Variants in PTCHD4 observed in about 807,000 individuals in gnomAD.
The protein encoded by PTCHD4 is patched domain containing 4.
Under a neutral mutation model 58.1 loss-of-function variants are expected in PTCHD4, and 33 were observed. That is an observed-to-expected ratio of 0.57 (90% CI 0.43 to 0.76). PTCHD4 has a LOEUF of 0.76. PTCHD4 is among the 30% of genes least tolerant of loss of function. PTCHD4 has a pLI of 0.00. For missense variants in PTCHD4, 1,058 were observed against 1,027.1 expected, an observed-to-expected ratio of 1.03 and a Z score of -0.41; for synonymous variants, 478 against 409.6, an observed-to-expected ratio of 1.17 and a Z score of -2.02.
intron 3 of PTCHD4, among the ~76,000 whole-genome samples, chr6:48,040,090 G>T (rs1763790656): frequency 6.6e-6 from 1 of 151,968 alleles, no homozygotes; most frequent in African/African-American, 2.4e-5. Flanking sequence ...AACCTTTAAG[G>T]TCATTCCCAA....
chr6:47,936,596 T>C (rs1766006662), intron 4 of PTCHD4, among the ~76,000 whole-genome samples: 1 of 152,184 alleles, frequency 6.6e-6, no homozygotes, highest in African/African-American at 2.4e-5. Context: ...CTTTTTCCTA[T>C]ATCCCAGTGA....
intron 4 of PTCHD4, among the ~76,000 whole-genome samples, chr6:47,987,528 A>G (rs887279872): frequency 1.3e-5 from 2 of 152,178 alleles, no homozygotes; most frequent in African/African-American, 4.8e-5. Flanking sequence ...CTTTAGTTAA[A>G]AAAAATGCTA....
At chr6:47,900,659 G>T (rs1368106275) in intron 4 of PTCHD4, 1 of 152,008 alleles carries the variant, frequency 6.6e-6, no homozygotes, top group Admixed American at 6.6e-5. Flanking sequence ...GGTTTTTATG[G>T]ATATCTGTAT....
At position 47,931,592 on chromosome 6, in the gene PTCHD4, T is replaced by A. The variant is rs1273829800; in HGVS notation, c.899-51656A>T. 1.3e-5 allele frequency among the ~76,000 whole-genome samples: 2 copies of A among 152,232 alleles called. 1 individual carries two copies. Among genetic ancestry groups the A allele is most frequent in the Non-Finnish European group, 2.9e-5 (2 of 68,028 alleles). On this transcript the variant is annotated intron_variant, in intron 4 of 4. Transcript: ENST00000339488. ...CTGAGGAGCAATGAAATAATTCCTT[T>A]ACTTGCTGTAAAAATGCTATGTACT...
At chr6:47,914,848 A>G (rs1182183178) in intron 4 of PTCHD4, among the ~76,000 whole-genome samples, 1 of 151,800 alleles carries the variant, frequency 6.6e-6, no homozygotes, top group Non-Finnish European at 1.5e-5. Context: ...TAATACAGTC[A>G]AGTAAATCAA....
intron 3 of PTCHD4, among the ~76,000 whole-genome samples, chr6:48,045,604 T>G (rs546594309): frequency 2.0e-5 from 3 of 151,978 alleles, no homozygotes; most frequent in Non-Finnish European, 4.4e-5. Context: ...CTGAAAAGCA[T>G]GTCTCATTTC....
rs1763728323 is a variant in PTCHD4, at chr6:47,872,130, G to A, written c.*6173C>T. Among the ~76,000 whole-genome samples the A allele has an allele frequency of 1.3e-5, 2 of 151,332 alleles. No homozygotes were observed. The highest frequency in any genetic ancestry group is 4.9e-5 in the African/African-American group (2 of 41,226). On this transcript the variant is annotated 3_prime_UTR_variant, in exon 5 of 5. Transcript: ENST00000339488. ...TTTCCGTGTCCAGGGAGAGATTCTA[G>A]TAACCATATTACATTAGATAATTTA...
At chr6:48,086,534 A>G (rs543070704) in intron 1 of PTCHD4, among the ~76,000 whole-genome samples, 200 of 152,266 alleles carry the variant, frequency 1.3e-3, no homozygotes, top group Non-Finnish European at 2.2e-3. Context: ...ATATATATCA[A>G]TGAAAAATAG....
At chr6:48,028,925 G>C (rs1209709214) in intron 3 of PTCHD4, among the ~76,000 whole-genome samples, 2 of 152,020 alleles carry the variant, frequency 1.3e-5, no homozygotes, top group Admixed American at 1.3e-4. Context: ...TCTGTAAAAT[G>C]AGATATTAAA....
intron 4 of PTCHD4, among the ~76,000 whole-genome samples, chr6:47,881,311 C>G (rs768035373): frequency 2.6e-5 from 4 of 152,162 alleles, no homozygotes; most frequent in Non-Finnish European, 5.9e-5. Context: ...TAATTCCTCC[C>G]TTTCTTTTAT....
rs1156476673 is a variant in PTCHD4, at chr6:48,008,692, G to T, written c.840C>A (p.Phe280Leu). 2 of 1,613,682 alleles carry T rather than the reference G, an allele frequency of 1.2e-6. No individual in the cohort carries two copies. The highest frequency in any genetic ancestry group is 3.3e-5 in the Admixed American group (2 of 59,944). ...AGTTGTACTTTCCATCGGTGATGAA[G>T]AAGATCCCTGCTGCTGTGATGATGG... ...CISIITAAGIFFITDGKYNST... is the reference protein window; with the variant it reads ...CISIITAAGILFITDGKYNST... The change falls in exon 4 of 5, where the codon TTC becomes TTA. Residue 280 changes from phenylalanine (F) to leucine (L), a missense_variant. Transcript: ENST00000339488.
chr6:47,869,992 C>T lies in PTCHD4; in HGVS notation c.*8311G>A, dbSNP rs371329357. Among the ~76,000 whole-genome samples, 146 of 151,626 alleles carry T rather than the reference C, an allele frequency of 9.6e-4. 2 individuals are homozygous for T. The highest frequency in any genetic ancestry group is 6.8e-3 in the Middle Eastern group (2 of 294). Reference sequence around the variant, plus strand: ...TTTAAGAATAACCTAGCTTTTACAGCATTTGTGATTGTGATTTTAAAAGAC... The same window carrying T: ...TTTAAGAATAACCTAGCTTTTACAGTATTTGTGATTGTGATTTTAAAAGAC... On this transcript the variant is annotated 3_prime_UTR_variant, in exon 5 of 5. Coordinates refer to ENST00000339488, the MANE Select transcript of PTCHD4 (RefSeq NM_001384253.1).
chr6:47,878,893 C>T lies in PTCHD4; in HGVS notation c.1942G>A (p.Asp648Asn). ...ACTGTGACAGACAAGCTGTAATGGT[C>T]CATGAAGACAAAGGAGGGGTTGAAC... ...IVFNPSFVFM[D>N]HYSLSVTVPV... The change falls in exon 5 of 5, where the codon GAC (aspartate) becomes AAC (asparagine). Residue 648 changes from aspartate (D) to asparagine (N), a missense_variant. Physicochemically the swap from Asp to Asn is conservative, Grantham distance 23 (BLOSUM62 1). Transcript: ENST00000339488. 2 of 1,613,576 alleles carry T rather than the reference C, an allele frequency of 1.2e-6. No homozygotes were observed. The highest frequency in any genetic ancestry group is 1.7e-6 in the Non-Finnish European group (2 of 1,179,750).
At chr6:47,949,382 T>C (rs764948640) in intron 4 of PTCHD4, among the ~76,000 whole-genome samples, 4 of 152,166 alleles carry the variant, frequency 2.6e-5, no homozygotes, top group Non-Finnish European at 5.9e-5. Context: ...GAAAGGGTCT[T>C]TGTGGCTTTG....
In PTCHD4 at chr6:47,879,917, C is replaced by T; in HGVS notation, c.918G>A (p.Val306=). 4 of 1,559,300 alleles carry T rather than the reference C, an allele frequency of 2.6e-6. No individual in the cohort carries two copies. Among genetic ancestry groups the T allele is most frequent in the South Asian group, 1.2e-5 (1 of 84,608 alleles). The change falls in exon 5 of 5, where the codon GTG becomes GTA. Residue 306 remains valine, a synonymous_variant. Transcript: ENST00000339488. The stretch of plus-strand genomic sequence containing the variant: ...TCCGCCATCCGGACAGAAGCTCAAA[C>T]ACTCCTTTAGTTCCATGACCTAATG... ...FFAMGHGTKG[V]FELLSGWRRT...
At chr6:48,108,851 A>T (rs1205077333) in intron 1 of PTCHD4, among the ~76,000 whole-genome samples, 1 of 151,862 alleles carries the variant, frequency 6.6e-6, no homozygotes, top group Non-Finnish European at 1.5e-5. Flanking sequence ...AATTTTTGGA[A>T]AACATTAATA....
intron 3 of PTCHD4, among the ~76,000 whole-genome samples, chr6:48,028,344 ATGAC>A (rs1232576628): frequency 6.6e-6 from 1 of 151,984 alleles, no homozygotes; most frequent in Non-Finnish European, 1.5e-5. Flanking sequence ...TTAAAGTAGA[ATGAC>A]TGGTTGTTCA....
intron 4 of PTCHD4, among the ~76,000 whole-genome samples, chr6:47,979,072 C>T (rs1767792331): frequency 6.6e-6 from 1 of 152,002 alleles, no homozygotes; most frequent in African/African-American, 2.4e-5. Flanking sequence ...AAGCCTTCTA[C>T]CAAAGCTTAC....
chr6:48,029,673 G>A lies in PTCHD4; in HGVS notation c.418-20559C>T, dbSNP rs532876838. 4.6e-5 allele frequency among the ~76,000 whole-genome samples: 7 copies of A among 152,094 alleles called. No individual in the cohort carries two copies. The South Asian group carries it at 1.5e-3, about 32-fold the overall frequency. On this transcript the variant is annotated intron_variant, in intron 3 of 4. Transcript: ENST00000339488. ...TCTGATCTTTCCAGAATTCAGAAAC[G>A]CTTATTGAGTGTTCTTATTTTTCAT...
Sources: allele counts gnomAD v4.1 joint callset (sites outside exome capture counted in the v4.1 genomes callset), GRCh38; gene constraint gnomAD v4.1.1; transcripts MANE v1.5; gene names NCBI Gene and HGNC (gene_info 2026-07-23, HGNC 2026-07-21).